Variants in TTC23L observed in about 807,000 individuals in gnomAD.
The protein encoded by TTC23L is tetratricopeptide repeat domain 23 like.
Under a neutral mutation model 48.1 loss-of-function variants are expected in TTC23L, and 42 were observed. That is an observed-to-expected ratio of 0.87 (90% CI 0.68 to 1.13). The LOEUF is 1.13. TTC23L is among the 50% of genes most tolerant of loss of function. The pLI is 0.00. For missense variants in TTC23L, 391 were observed against 421.0 expected, an observed-to-expected ratio of 0.93 and a Z score of 0.62; for synonymous variants, 159 against 157.2, an observed-to-expected ratio of 1.01 and a Z score of -0.09.
chr5:34,912,908 G>A, the TTC23L span, among the ~76,000 whole-genome samples: 1 of 152,174 alleles, frequency 6.6e-6, no homozygotes, highest in African/African-American at 2.4e-5. Context: ...GGCTGAGGCA[G>A]AAGAATCACT....
chr5:34,907,260 A>T, the TTC23L span: 1 of 152,220 alleles, frequency 6.6e-6, no homozygotes, highest in Admixed American at 6.5e-5. Context: ...AATGGTTCTC[A>T]ACAATGAATA....
chr5:34,914,862 C>T, the TTC23L span: 69 of 1,614,100 alleles, frequency 4.3e-5, no homozygotes, highest in Middle Eastern at 3.3e-4. Context: ...TGATCATCCT[C>T]GTCTTGGATC....
At position 34,880,407 on chromosome 5, in the gene TTC23L, C is replaced by A. The variant is rs1257096522; in HGVS notation, c.1077+99C>A. On this transcript the variant is annotated intron_variant, in intron 9 of 10. Transcript: ENST00000505624. ...TTCAGATACTGGAGATCAGATAGGT[C>A]CCAGATAAAACTAGGCAAGAACCAC... 5.4e-6 allele frequency: 7 copies of A among 1,286,192 alleles called. No homozygotes were observed. In the African/African-American group the frequency reaches 9.0e-5, roughly 17 times the overall value. 79.7% of individuals were successfully genotyped at this position (1,286,192 alleles called of 1,614,324 possible). A position where few individuals can be genotyped will look rare whatever the true frequency, so the allele number is the denominator to read the frequency against.
At position 34,864,573 on chromosome 5, in the gene TTC23L, G is replaced by A; in HGVS notation, c.662+11G>A. 6.2e-7 allele frequency: 1 copy of A among 1,606,928 alleles called. No homozygotes were observed. The highest frequency in any genetic ancestry group is 8.5e-7 in the Non-Finnish European group (1 of 1,176,670). Reference sequence around the variant, plus strand: ...ACTTGCTTTGGGCAGGTAAGATCTGGGCTTGGAGAAGCTGAGGCTTTTATG... The same window carrying A: ...ACTTGCTTTGGGCAGGTAAGATCTGAGCTTGGAGAAGCTGAGGCTTTTATG... On this transcript the variant is annotated intron_variant, in intron 6 of 10. Transcript: ENST00000505624.
chr5:34,892,803 G>A (rs948527821), intron 9 of TTC23L, among the ~76,000 whole-genome samples: 8 of 152,110 alleles, frequency 5.3e-5, no homozygotes, highest in African/African-American at 1.9e-4. Flanking sequence ...GGCCTCGAGT[G>A]GTTGTAGTTT....
intron 4 of TTC23L, among the ~76,000 whole-genome samples, chr5:34,856,924 G>A (rs960962028): frequency 3.3e-5 from 5 of 152,234 alleles, no homozygotes; most frequent in African/African-American, 1.2e-4. Context: ...GGAAGCAATA[G>A]GGACCGGAGG....
At chr5:34,892,082 C>G (rs1762901916) in intron 9 of TTC23L, among the ~76,000 whole-genome samples, 1 of 152,192 alleles carries the variant, frequency 6.6e-6, no homozygotes, top group Non-Finnish European at 1.5e-5. Context: ...GGGGTAACTG[C>G]CAAAGCCAGA....
At chr5:34,853,598 T>TA (rs1429788085) in intron 4 of TTC23L, among the ~76,000 whole-genome samples, 1 of 151,412 alleles carries the variant, frequency 6.6e-6, no homozygotes, top group Non-Finnish European at 1.5e-5. Flanking sequence ...TAAGAATGGG[T>TA]AGGGTAAAGG....
chr5:34,916,783 G>C, the TTC23L span: 6 of 152,222 alleles, frequency 3.9e-5, no homozygotes, highest in Admixed American at 3.3e-4. Context: ...AAAGAAGTGA[G>C]CTCTGTGGAA....
chr5:34,846,685 G>GTT, intron 3 of TTC23L, among the ~76,000 whole-genome samples: 1 of 106,450 alleles, frequency 9.4e-6, no homozygotes, highest in Non-Finnish European at 2.1e-5. Context: ...GTGTGTGTGT[G>GTT]TGTGTGTGTG....
At chr5:34,922,110 C>T in the TTC23L span, 15 of 589,578 alleles carry the variant, frequency 2.5e-5, no homozygotes, top group South Asian at 2.4e-4. Context: ...AGCCTATTAG[C>T]CTGGTTAGGT....
At chr5:34,894,882 TAATG>T (rs1561160706) in intron 9 of TTC23L, among the ~76,000 whole-genome samples, 1 of 139,402 alleles carries the variant, frequency 7.2e-6, no homozygotes, top group African/African-American at 3.0e-5. Flanking sequence ...ATGAGAGTGT[TAATG>T]ATGATGATGA....
intron 9 of TTC23L, among the ~76,000 whole-genome samples, chr5:34,882,800 G>A (rs1762315492): frequency 6.6e-6 from 1 of 152,152 alleles, no homozygotes; most frequent in South Asian, 2.1e-4. Context: ...AGCACTTTGC[G>A]AGGCCGAGGC....
At chr5:34,904,952 T>C in the TTC23L span, among the ~76,000 whole-genome samples, 1 of 152,354 alleles carries the variant, frequency 6.6e-6, no homozygotes, top group East Asian at 1.9e-4. Context: ...CCACTACTAG[T>C]ATCTATTATA....
the TTC23L span, chr5:34,922,133 A>G: frequency 1.4e-6 from 1 of 723,424 alleles, no homozygotes; most frequent in Non-Finnish European, 2.3e-6. Context: ...TTTTGAGATA[A>G]TCTGGATGAT....
the TTC23L span, chr5:34,908,785 C>G: frequency 1.2e-6 from 2 of 1,602,820 alleles, no homozygotes; most frequent in East Asian, 4.5e-5. Context: ...GATTCAGGAA[C>G]TTCTTCATCA....
rs771531316 is a variant in TTC23L at position 34,868,989 on chromosome 5, A to C, written c.925A>C (p.Met309Leu). 3.1e-6 allele frequency: 5 copies of C among 1,609,118 alleles called. No individual in the cohort carries two copies. The South Asian group carries it at 5.6e-5, about 18-fold the overall frequency. The change falls in exon 8 of 11, where the codon ATG becomes CTG. Residue 309 changes from methionine (M) to leucine (L), a missense_variant. By Grantham distance (15) the Met-to-Leu change is conservative (BLOSUM62 2). Transcript: ENST00000505624. ...TGCGTTACTGGCCAAAGCTTATGCC[A>C]TGTCTGGAGAGGCCCAGCACAGGGG...
intron 7 of TTC23L, chr5:34,868,327 A>G (rs1018588224): frequency 6.5e-5 from 10 of 152,906 alleles, no homozygotes; most frequent in Admixed American, 4.5e-4. Flanking sequence ...TATTAAGCAC[A>G]GGTGGTTCTT....
intron 9 of TTC23L, among the ~76,000 whole-genome samples, chr5:34,889,044 T>G (rs1762699532): frequency 6.6e-6 from 1 of 152,192 alleles, no homozygotes. Context: ...TATAGACTTG[T>G]CTCAGTCTTT....
Sources: allele counts gnomAD v4.1 joint callset (sites outside exome capture counted in the v4.1 genomes callset), GRCh38; gene constraint gnomAD v4.1.1; transcripts MANE v1.5; gene names NCBI Gene and HGNC (gene_info 2026-07-23, HGNC 2026-07-21).